The following IQSEC3 variants were observed in gnomAD, a reference collection of about 807,000 sequenced individuals.
The protein encoded by IQSEC3 is IQ motif and SEC7 domain-containing protein 3.
A neutral mutation model predicts 105.4 loss-of-function variants in IQSEC3; 50 were observed. The observed-to-expected ratio is 0.47, with a 90% CI of 0.38 to 0.60. IQSEC3 has a LOEUF of 0.60. Ranked by LOEUF, IQSEC3 falls within the 20% of genes least tolerant of loss-of-function variation. The pLI is 0.00. For missense variants in IQSEC3, 1,415 were observed against 1,630.0 expected (o/e 0.87, Z 2.27); for synonymous variants, 708 against 746.0 (o/e 0.95, Z 0.83).
chr12:168,872 G>C, intron 11 of IQSEC3, 141 bp from the exon 12 acceptor site: 1 of 730,758 alleles, frequency 1.4e-6, no homozygotes, highest in Admixed American at 2.2e-5. Context: ...GGTGGGGCCA[G>C]ACCCGAGGTC....
At chr12:67,825 G>A (rs1177385083) in intron 1 of IQSEC3, among the ~76,000 whole-genome samples, 1 of 151,920 alleles carries the variant, frequency 6.6e-6, no homozygotes, top group Non-Finnish European at 1.5e-5. Flanking sequence ...AATTTGGAAG[G>A]AAGTTTGGGT....
At chr12:112,105 C>T (rs1224497382) in intron 2 of IQSEC3, among the ~76,000 whole-genome samples, 5 of 152,068 alleles carry the variant, frequency 3.3e-5, no homozygotes, top group African/African-American at 1.2e-4. Flanking sequence ...TTGTTTTGCT[C>T]CATTTTGTTG....
At chr12:163,778 A>T (rs1555097291) in intron 9 of IQSEC3, among the ~76,000 whole-genome samples, 159 bp downstream of exon 9, 1 of 152,220 alleles carries the variant, frequency 6.6e-6, no homozygotes, top group Non-Finnish European at 1.5e-5. Context: ...GTGCTTTCAC[A>T]CCGTGGGCGT....
chr12:131,001 C>T (rs1176738671), intron 3 of IQSEC3, among the ~76,000 whole-genome samples: 1 of 48,884 alleles, frequency 2.0e-5, no homozygotes, highest in Non-Finnish European at 4.2e-5. Context: ...CAGCACTGTG[C>T]CCCCCAGCTA....
intron 7 of IQSEC3, among the ~76,000 whole-genome samples, chr12:158,588 T>C (rs1678135592): frequency 6.6e-6 from 1 of 152,228 alleles, no homozygotes; most frequent in African/African-American, 2.4e-5. Flanking sequence ...TATCACCATT[T>C]GACGAGTCCT....
intron 1 of IQSEC3, among the ~76,000 whole-genome samples, chr12:68,351 A>G (rs1309730153): frequency 2.0e-5 from 3 of 152,268 alleles, no homozygotes; most frequent in Admixed American, 6.5e-5. Context: ...CTCCCTGTTA[A>G]GGCCAGCAAC....
At chr12:132,237 G>C (rs570930885) in intron 3 of IQSEC3, among the ~76,000 whole-genome samples, 274 of 152,260 alleles carry the variant, frequency 1.8e-3, no homozygotes, top group Non-Finnish European at 2.3e-3. Flanking sequence ...GGCTGGGAGA[G>C]AACACAAATG....
chr12:150,505 C>A (rs1205369975), intron 5 of IQSEC3, among the ~76,000 whole-genome samples: 1 of 152,054 alleles, frequency 6.6e-6, no homozygotes, highest in Non-Finnish European at 1.5e-5. Context: ...GGAGGGGCAG[C>A]TGCAATGGAT....
intron 1 of IQSEC3, among the ~76,000 whole-genome samples, chr12:97,131 C>T (rs782213749): frequency 2.6e-5 from 4 of 152,184 alleles, no homozygotes; most frequent in Non-Finnish European, 5.9e-5. Flanking sequence ...AGATGTGAAG[C>T]GTATTTGTTG....
At chr12:170,669 T>C (rs1457964650) in intron 12 of IQSEC3, among the ~76,000 whole-genome samples, 10 of 152,304 alleles carry the variant, frequency 6.6e-5, no homozygotes, top group African/African-American at 2.2e-4. Context: ...TGCCCGGCAC[T>C]GCGGTGAGTG....
intron 5 of IQSEC3, chr12:147,726 TG>T (rs782351973): frequency 6.6e-6 from 1 of 152,094 alleles, no homozygotes; most frequent in Non-Finnish European, 1.5e-5. Context: ...GCAGAGAAAT[TG>T]AACAAAATCA....
Position 107,973 on chromosome 12 carries a change from C to T in IQSEC3, c.623+8759C>T, listed in dbSNP as rs1440342990. On this transcript the variant is annotated intron_variant, in intron 2 of 13. Transcript: ENST00000538872. ...GTGGCCCTATCTTGCCCAGCTCTTC[C>T]TCCTCCTCTTCAGAAAGTTGGGGTT... is the stretch of plus-strand genomic sequence containing the variant. Among the ~76,000 whole-genome samples, 3 of 152,194 alleles carry T rather than the reference C, an allele frequency of 2.0e-5. No homozygotes were observed. The East Asian group carries it at 5.8e-4, about 29-fold the overall frequency.
chr12:165,708 G>T (rs1867138903), intron 10 of IQSEC3, 21 bp from the exon 11 acceptor site: 1 of 1,612,268 alleles, frequency 6.2e-7, no homozygotes, highest in South Asian at 1.1e-5. Flanking sequence ...GCCCACTGGG[G>T]GCCTGGGGTC....
intron 9 of IQSEC3, among the ~76,000 whole-genome samples, chr12:164,278 T>C (rs782570461): frequency 7.9e-5 from 12 of 152,096 alleles, no homozygotes; most frequent in Non-Finnish European, 1.5e-4. Flanking sequence ...TCTCACCACC[T>C]CCACTACTAC....
chr12:138,467 A>G lies in IQSEC3; in HGVS notation c.1104A>G (p.Lys368=). The G allele has an allele frequency of 6.2e-7, 1 of 1,601,152 alleles. No homozygotes were observed. Among genetic ancestry groups the G allele is most frequent in the Non-Finnish European group, 8.5e-7 (1 of 1,178,408 alleles). The change falls in exon 4 of 14, where the codon AAA becomes AAG. Residue 368 remains lysine, a synonymous_variant. Coordinates refer to ENST00000538872, the MANE Select transcript of IQSEC3 (RefSeq NM_001170738.2). This position sits in a 1 kb window ranked among gnomAD's most constrained non-coding sequence, Gnocchi z 7.1. ...SPTAESLAAE[K]ALMEGYGLVG... The stretch of plus-strand genomic sequence containing the variant: ...CGGCCGAGAGCCTGGCGGCCGAGAA[A>G]GCGCTCATGGAGGGCTACGGCCTCG...
intron 12 of IQSEC3, among the ~76,000 whole-genome samples, chr12:170,678 TGCTGTGCAGGCCTCA>T (rs1938937851): frequency 6.6e-6 from 1 of 152,070 alleles, no homozygotes; most frequent in South Asian, 2.1e-4. Context: ...CTGCGGTGAG[TGCTGTGCAGGCCTCA>T]GCCCATTCAG....
rs1555087071 is a variant in IQSEC3, at chr12:138,323, C to G, written c.960C>G (p.Cys320Trp). The G allele has an allele frequency of 6.2e-7, 1 of 1,613,818 alleles. No homozygotes were observed. Among genetic ancestry groups the G allele is most frequent in the South Asian group, 1.1e-5 (1 of 91,088 alleles). ...GGHLVSRRAACTIQTAFRQYQ... is the reference protein window; with the variant it reads ...GGHLVSRRAAWTIQTAFRQYQ... ...ACCTGGTGTCCCGGCGCGCCGCTTG[C>G]ACCATCCAAACCGCCTTCCGCCAAT... The change falls in exon 4 of 14, where the codon TGC becomes TGG. Residue 320 changes from cysteine to tryptophan, a missense_variant. Physicochemically the swap from Cys to Trp is radical, Grantham distance 215. Transcript: ENST00000538872. This position sits in a 1 kb window ranked among gnomAD's most constrained non-coding sequence, Gnocchi z 7.1.
At chr12:129,197 G>GGAGTT (rs1555084331) in intron 3 of IQSEC3, among the ~76,000 whole-genome samples, 1 of 152,218 alleles carries the variant, frequency 6.6e-6, no homozygotes, top group African/African-American at 2.4e-5. Flanking sequence ...AGGGCTGTGT[G>GGAGTT]GAGTTGAGCA....
intron 1 of IQSEC3, among the ~76,000 whole-genome samples, chr12:77,863 G>A (rs1401236487): frequency 6.6e-6 from 1 of 150,548 alleles, no homozygotes; most frequent in Non-Finnish European, 1.5e-5. Flanking sequence ...CGACTCCTAC[G>A]TGGGGAGGGA....
Sources: gnomAD v4.1 joint callset for allele counts (sites outside exome capture counted in the v4.1 genomes callset) on GRCh38, gnomAD v4.1.1 for gene constraint, Gnocchi (gnomAD v3.1) non-coding constraint, MANE v1.5 for transcripts, NCBI Gene and HGNC (gene_info 2026-07-23, HGNC 2026-07-21) for gene names.